SGIP1: variants seen among roughly 807,000 people sequenced by gnomAD.
The protein encoded by SGIP1 is SH3-containing GRB2-like protein 3-interacting protein 1.
Under a neutral mutation model 107.5 loss-of-function variants are expected in SGIP1, and 38 were observed. The observed-to-expected ratio is 0.35, with a 90% CI of 0.27 to 0.46. The LOEUF is 0.46. Ranked by LOEUF, SGIP1 falls within the 20% of genes least tolerant of loss-of-function variation. SGIP1 has a pLI of 1.00. For missense variants in SGIP1, 929 were observed against 1,019.5 expected, an observed-to-expected ratio of 0.91 and a Z score of 1.21; for synonymous variants, 365 against 366.1, an observed-to-expected ratio of 1.00 and a Z score of 0.03.
intron 1 of SGIP1, among the ~76,000 whole-genome samples, chr1:66,594,825 A>G (rs904764569): frequency 5.3e-5 from 8 of 152,114 alleles, no homozygotes; most frequent in African/African-American, 1.9e-4. Context: ...CCAACCTCAC[A>G]AGATTGTGGG....
intron 14 of SGIP1, 70 bp downstream of exon 14, chr1:66,679,822 T>C: frequency 2.2e-6 from 3 of 1,365,262 alleles, no homozygotes; most frequent in South Asian, 3.0e-5. Flanking sequence ...GAACATGCCC[T>C]TGATGTGTTG....
chr1:66,594,175 A>C (rs181864466), intron 1 of SGIP1, among the ~76,000 whole-genome samples: 2 of 152,046 alleles, frequency 1.3e-5, no homozygotes, highest in Admixed American at 1.3e-4. Context: ...TAATGGGAAT[A>C]AACAGCTATG....
At chr1:66,677,612 G>A (rs1391174700) in intron 13 of SGIP1, among the ~76,000 whole-genome samples, 2 of 152,230 alleles carry the variant, frequency 1.3e-5, no homozygotes, top group Non-Finnish European at 2.9e-5. Context: ...GTATGTGAAA[G>A]TTGCCATCAG....
intron 2 of SGIP1, among the ~76,000 whole-genome samples, chr1:66,630,895 GAA>G (rs1447846752): frequency 3.4e-5 from 2 of 59,310 alleles, no homozygotes; most frequent in African/African-American, 7.8e-5. Flanking sequence ...AAGAAAGAAA[GAA>G]AGAAAGAAGG....
intron 1 of SGIP1, among the ~76,000 whole-genome samples, chr1:66,577,241 T>C (rs1333283742): frequency 1.3e-5 from 2 of 152,204 alleles, no homozygotes; most frequent in African/African-American, 4.8e-5. Flanking sequence ...GTCTCTGTTC[T>C]GGACCTCCTT....
rs778259059 is a variant in SGIP1, at chr1:66,682,011, C to T, written c.957C>T (p.Ser319=). 10 of 1,614,110 alleles carry T rather than the reference C, an allele frequency of 6.2e-6. No individual in the cohort carries two copies. The Admixed American group carries it at 8.3e-5, about 13-fold the overall frequency. Residue 319 remains serine, a synonymous_variant, in exon 15 of 25, where the codon TCC becomes TCT. Coordinates refer to ENST00000371037, the MANE Select transcript of SGIP1 (RefSeq NM_032291.4). ...AGTGGGTCCATTTTTCTGATACATCCCCGGAACATGTTACTCCGGAGTTGA... is the reference window on the plus strand; with the variant it reads ...AGTGGGTCCATTTTTCTGATACATCTCCGGAACATGTTACTCCGGAGTTGA... The part of the protein sequence containing the change: ...EEKWVHFSDT[S]PEHVTPELTP...
chr1:66,639,214 G>GA (rs755552777), intron 4 of SGIP1, among the ~76,000 whole-genome samples: 6 of 151,926 alleles, frequency 3.9e-5, no homozygotes, highest in African/African-American at 1.2e-4. Context: ...AAAGCCATTT[G>GA]AAAAAAACAT....
At chr1:66,536,372 C>T (rs752768476) in intron 1 of SGIP1, among the ~76,000 whole-genome samples, 6 of 152,222 alleles carry the variant, frequency 3.9e-5, no homozygotes, top group Non-Finnish European at 8.8e-5. Context: ...ATAGCTCCTA[C>T]TTAAATGTTT....
chr1:66,656,551 A>G (rs1314070944), intron 7 of SGIP1, among the ~76,000 whole-genome samples: 1 of 152,130 alleles, frequency 6.6e-6, no homozygotes, highest in Non-Finnish European at 1.5e-5. Context: ...AAATTTTTCA[A>G]CTCTGTCATA....
At chr1:66,588,173 T>C (rs1488391608) in intron 1 of SGIP1, among the ~76,000 whole-genome samples, 1 of 152,186 alleles carries the variant, frequency 6.6e-6, no homozygotes, top group East Asian at 1.9e-4. Context: ...CATGTTTTAT[T>C]CTTTGATTCG....
In SGIP1 at chr1:66,735,186, A is replaced by G. The variant is rs200113354; in HGVS notation, c.2031+1306A>G. 1.7e-4 allele frequency among the ~76,000 whole-genome samples: 13 copies of G among 74,472 alleles called. No individual in the cohort carries two copies. The East Asian group carries it at 2.7e-3, about 16-fold the overall frequency. 48.9% of individuals were successfully genotyped at this position (74,472 alleles called of 152,430 possible). On this transcript the variant is annotated intron_variant, in intron 21 of 24. Coordinates refer to ENST00000371037, the MANE Select transcript of SGIP1 (RefSeq NM_032291.4). ...CTCTAATTCTATAAGATCAACTTTTATTTTTATGTTATTTTATTTTATTTT... is the reference window on the plus strand; with the variant it reads ...CTCTAATTCTATAAGATCAACTTTTGTTTTTATGTTATTTTATTTTATTTT...
chr1:66,542,889 C>A (rs1189289716), intron 1 of SGIP1, among the ~76,000 whole-genome samples: 1 of 152,270 alleles, frequency 6.6e-6, no homozygotes, highest in South Asian at 2.1e-4. Context: ...AGGCTTGACT[C>A]CTAGTTAAGT....
chr1:66,540,479 T>C (rs2054661533), intron 1 of SGIP1, among the ~76,000 whole-genome samples: 1 of 152,204 alleles, frequency 6.6e-6, no homozygotes, highest in Admixed American at 6.5e-5. Flanking sequence ...TTTCCCTTCC[T>C]GGGTTCTCAT....
intron 1 of SGIP1, among the ~76,000 whole-genome samples, chr1:66,571,643 A>C (rs541774805): frequency 1.3e-5 from 2 of 152,102 alleles, no homozygotes; most frequent in South Asian, 4.2e-4. Flanking sequence ...CAGTCATGTA[A>C]CTCTTAAAAA....
At position 66,701,670 on chromosome 1, in the gene SGIP1, A is replaced by G. The variant is rs183876712; in HGVS notation, c.1630+6177A>G. Among the ~76,000 whole-genome samples the G allele has an allele frequency of 2.6e-3, 397 of 152,320 alleles. 3 individuals carry two copies. Among genetic ancestry groups the G allele is most frequent in the Middle Eastern group, 0.02 (6 of 294 alleles). ...CAGTAGTACACTTTACCTCTTCATA[A>G]TAAATTAGTTCCCTGGTTCTGAAAA... On this transcript the variant is annotated intron_variant, in intron 18 of 24. Transcript: ENST00000371037.
At chr1:66,715,535 G>A (rs899632767) in intron 18 of SGIP1, among the ~76,000 whole-genome samples, 1 of 152,068 alleles carries the variant, frequency 6.6e-6, no homozygotes, top group Admixed American at 6.6e-5. Flanking sequence ...ATGGCCTTGT[G>A]TATCATTACA....
chr1:66,639,693 A>G (rs2076421976), intron 4 of SGIP1, 84 bp from the exon 5 acceptor site: 1 of 1,117,498 alleles, frequency 8.9e-7, no homozygotes, highest in Admixed American at 1.9e-5. Context: ...CTTTTGCTAA[A>G]TGCAGATAAG....
chr1:66,643,453 AC>A (rs1482000324), intron 6 of SGIP1, 90 bp from the exon 7 acceptor site: 25 of 1,016,660 alleles, frequency 2.5e-5, no homozygotes, highest in Non-Finnish European at 3.6e-5. Flanking sequence ...ATCTAAGGAT[AC>A]TTTTGCTGTC....
chr1:66,682,804 G>T, intron 15 of SGIP1, among the ~76,000 whole-genome samples: 1 of 144,874 alleles, frequency 6.9e-6, no homozygotes. Flanking sequence ...CAAGCAGGAG[G>T]GGGTGGGTGG....
Sources: gnomAD v4.1 joint callset for allele counts (sites outside exome capture counted in the v4.1 genomes callset) on GRCh38, gnomAD v4.1.1 for gene constraint, MANE v1.5 for transcripts, NCBI Gene and HGNC (gene_info 2026-07-23, HGNC 2026-07-21) for gene names.